The following GPATCH2L variants were observed in gnomAD, a reference collection of about 807,000 sequenced individuals.
GPATCH2L encodes the protein G patch domain-containing protein 2-like.
In GPATCH2L, 31 loss-of-function variants were observed where a neutral mutation model predicts 57.4. That is an observed-to-expected ratio of 0.54 (90% CI 0.41 to 0.73). The LOEUF is 0.73. GPATCH2L is among the 30% of genes least tolerant of loss of function. GPATCH2L has a pLI of 0.00. For synonymous variants in GPATCH2L, 199 were observed against 210.7 expected (o/e 0.94, Z 0.48); for missense variants, 481 against 599.9 (o/e 0.80, Z 2.07).
chr14:76,164,659 A>C (rs923318802), intron 2 of GPATCH2L, among the ~76,000 whole-genome samples: 24 of 152,214 alleles, frequency 1.6e-4, no homozygotes, highest in African/African-American at 5.5e-4. Context: ...TATAGTTTTA[A>C]AACTGAGAAT....
At chr14:76,196,000 A>T (rs753189193) in intron 9 of GPATCH2L, 28 bp downstream of exon 9, 6 of 1,486,826 alleles carry the variant, frequency 4.0e-6, no homozygotes, top group Non-Finnish European at 5.6e-6. Context: ...TCATTTATTG[A>T]GCATGTACCG....
At chr14:76,194,501 G>GTGTGTGTA (rs1205220519) in intron 8 of GPATCH2L, among the ~76,000 whole-genome samples, 2 of 152,054 alleles carry the variant, frequency 1.3e-5, no homozygotes, top group Non-Finnish European at 2.9e-5. Context: ...GTGTGTGTGT[G>GTGTGTGTA]TGTGCACGCT....
At chr14:76,215,143 C>T (rs1423057474), downstream of GPATCH2L, among the ~76,000 whole-genome samples, 1 of 151,900 alleles carries the variant, frequency 6.6e-6, no homozygotes, top group Non-Finnish European at 1.5e-5. Flanking sequence ...GACATTTATG[C>T]AGCCAAAAAA....
At chr14:76,159,338 A>G (rs2038461791) in intron 2 of GPATCH2L, among the ~76,000 whole-genome samples, 1 of 152,246 alleles carries the variant, frequency 6.6e-6, no homozygotes, top group Non-Finnish European at 1.5e-5. Context: ...CTCAACTTTT[A>G]GAATGATATT....
intron 2 of GPATCH2L, chr14:76,230,526 G>T (rs1159961699): frequency 6.6e-6 from 1 of 152,030 alleles, no homozygotes; most frequent in Non-Finnish European, 1.5e-5. Context: ...CTTACTTGTG[G>T]TCACATTGAT....
chr14:76,152,621 C>G (rs1169733384), intron 1 of GPATCH2L: 1 of 455,616 alleles, frequency 2.2e-6, no homozygotes, highest in East Asian at 7.0e-5. Context: ...AGTGTGCATC[C>G]GCGACTGGAG....
chr14:76,192,353 C>T (rs913794127), intron 8 of GPATCH2L, among the ~76,000 whole-genome samples: 2 of 152,026 alleles, frequency 1.3e-5, no homozygotes, highest in East Asian at 1.9e-4. Context: ...TTCTCTTCTT[C>T]CCTCCCCAAA....
At chr14:76,215,038 C>T (rs910276946), downstream of GPATCH2L, among the ~76,000 whole-genome samples, 1 of 151,690 alleles carries the variant, frequency 6.6e-6, no homozygotes, top group Admixed American at 6.6e-5. Flanking sequence ...TATCATTGCT[C>T]CTCTAGAAAA....
chr14:76,200,121 A>G (rs2040272687), intron 9 of GPATCH2L, among the ~76,000 whole-genome samples: 2 of 152,212 alleles, frequency 1.3e-5, no homozygotes, highest in Non-Finnish European at 2.9e-5. Context: ...AGAATAGTCA[A>G]CTTCATACAA....
At chr14:76,177,488 T>C (rs1454088372) in intron 6 of GPATCH2L, among the ~76,000 whole-genome samples, 1 of 151,824 alleles carries the variant, frequency 6.6e-6, no homozygotes, top group Non-Finnish European at 1.5e-5. Flanking sequence ...GTATGCATCA[T>C]GGTCAGTACC....
chr14:76,172,064 C>T, intron 4 of GPATCH2L, 45 bp downstream of exon 4: 1 of 1,307,994 alleles, frequency 7.6e-7, no homozygotes, highest in South Asian at 1.5e-5. Context: ...TATGGTTCTC[C>T]TTGGGCAGAG....
At position 76,212,064 on chromosome 14, in the gene GPATCH2L, T is replaced by C. The variant is rs573047781; in HGVS notation, c.*10213T>C. On this transcript the variant is annotated 3_prime_UTR_variant, in exon 10 of 10. Transcript: ENST00000261530. ...TAGAGAATTAAGGTATATTGACTAG[T>C]GAAATAGAGGATTATGGGGATCATA... 6.6e-6 allele frequency: 1 copy of C among 152,088 alleles called. No individual in the cohort carries two copies. Among genetic ancestry groups the C allele is most frequent in the East Asian group, 1.9e-4 (1 of 5,178 alleles). 9.4% of individuals were successfully genotyped at this position (152,088 alleles called of 1,614,324 possible).
At chr14:76,221,954 T>C (rs907179926) in intron 1 of GPATCH2L, among the ~76,000 whole-genome samples, 1 of 152,220 alleles carries the variant, frequency 6.6e-6, no homozygotes, top group Non-Finnish European at 1.5e-5. Flanking sequence ...TAGTGAACAT[T>C]AGTGTATCAA....
At chr14:76,218,047 T>G (rs951391370), downstream of GPATCH2L, among the ~76,000 whole-genome samples, 1 of 152,178 alleles carries the variant, frequency 6.6e-6, no homozygotes, top group African/African-American at 2.4e-5. Flanking sequence ...CATTTAATAT[T>G]AGGAATAGCT....
At chr14:76,176,242 T>C (rs1264022614) in intron 5 of GPATCH2L, 1 of 164,182 alleles carries the variant, frequency 6.1e-6, no homozygotes, top group Non-Finnish European at 1.3e-5. Flanking sequence ...ATCACGTAGC[T>C]CTCTAGGAAG....
Position 76,206,855 on chromosome 14 carries a change from C to T in GPATCH2L, c.*5004C>T, listed in dbSNP as rs546855914. 6.6e-6 allele frequency: 1 copy of T among 152,166 alleles called. No individual in the cohort carries two copies. The highest frequency in any genetic ancestry group is 2.4e-5 in the African/African-American group (1 of 41,428). 9.4% of individuals were successfully genotyped at this position (152,166 alleles called of 1,614,324 possible). A position where few individuals can be genotyped will look rare whatever the true frequency, so the allele number is the denominator to read the frequency against. On this transcript the variant is annotated 3_prime_UTR_variant, in exon 10 of 10. Coordinates refer to ENST00000261530, the MANE Select transcript of GPATCH2L (RefSeq NM_017926.4). ...AAGCTCTGAGGTGCTCTCATATTCC[C>T]TCCATAAGTAAAGAGATTTTTTTTG...
intron 8 of GPATCH2L, among the ~76,000 whole-genome samples, chr14:76,187,197 A>C (rs891071813): frequency 6.6e-6 from 1 of 151,900 alleles, no homozygotes; most frequent in Admixed American, 6.6e-5. Context: ...TAGGGATTAA[A>C]TCTCTAGATT....
At chr14:76,175,010 CAA>C (rs1319320310) in intron 5 of GPATCH2L, 1 of 152,184 alleles carries the variant, frequency 6.6e-6, no homozygotes, top group Non-Finnish European at 1.5e-5. Context: ...ATTTTACAGA[CAA>C]AACGCTGCTT....
rs568944099 is a variant in GPATCH2L at position 76,185,565 on chromosome 14, T to G, written c.1193+4716T>G. 2.0e-5 allele frequency among the ~76,000 whole-genome samples: 3 copies of G among 152,244 alleles called. No individual in the cohort carries two copies. The East Asian group carries it at 5.8e-4, about 29-fold the overall frequency. On this transcript the variant is annotated intron_variant, in intron 8 of 9. Transcript: ENST00000261530. ...TGAGTGCAAAAACTTTTCATGGCAG[T>G]GTTTTAGTTTTCTCCAACTCAAAGG...
Sources: gnomAD v4.1 joint callset for allele counts (sites outside exome capture counted in the v4.1 genomes callset) on GRCh38, gnomAD v4.1.1 for gene constraint, MANE v1.5 for transcripts, NCBI Gene and HGNC (gene_info 2026-07-23, HGNC 2026-07-21) for gene names.